The following ADGRB3 variants were observed in gnomAD, a reference collection of about 807,000 sequenced individuals.
ADGRB3 encodes brain-specific angiogenesis inhibitor 3.
Under a neutral mutation model 193.4 loss-of-function variants are expected in ADGRB3, and 37 were observed. That is an observed-to-expected ratio of 0.19 (90% CI 0.15 to 0.25). ADGRB3 has a LOEUF of 0.25. Ranked by LOEUF, ADGRB3 falls within the 10% of genes least tolerant of loss-of-function variation. ADGRB3 has a pLI of 1.00. For synonymous variants in ADGRB3, 690 were observed against 644.2 expected, an observed-to-expected ratio of 1.07 and a Z score of -1.08; for missense variants, 1,637 against 1,852.9, an observed-to-expected ratio of 0.88 and a Z score of 2.14.
chr6:68,966,688 T>A (rs553987313), intron 8 of ADGRB3, among the ~76,000 whole-genome samples: 36 of 152,298 alleles, frequency 2.4e-4, no homozygotes, highest in African/African-American at 8.2e-4. Flanking sequence ...AGAGTGGGCA[T>A]CCTGTGTACT....
chr6:69,141,227 C>T (rs942401404), intron 17 of ADGRB3, among the ~76,000 whole-genome samples: 5 of 151,858 alleles, frequency 3.3e-5, no homozygotes, highest in Non-Finnish European at 7.4e-5. Context: ...GGGTTCTCGG[C>T]ATTCTCCTGC....
intron 17 of ADGRB3, among the ~76,000 whole-genome samples, chr6:69,153,880 C>T (rs545983489): frequency 2.6e-5 from 4 of 152,108 alleles, no homozygotes; most frequent in African/African-American, 9.6e-5. Flanking sequence ...GTAGTCCCAG[C>T]TACTCGGGAG....
chr6:69,005,849 A>T (rs1050518354), intron 11 of ADGRB3, among the ~76,000 whole-genome samples: 2 of 151,610 alleles, frequency 1.3e-5, no homozygotes, highest in Non-Finnish European at 2.9e-5. Context: ...CAGATTTTTG[A>T]CTCTAGATCA....
At chr6:69,369,683 G>GC (rs1352049510) in intron 29 of ADGRB3, among the ~76,000 whole-genome samples, 1 of 140,294 alleles carries the variant, frequency 7.1e-6, no homozygotes, top group Non-Finnish European at 1.5e-5. Flanking sequence ...GGGTGACAGA[G>GC]CAAGACCATT....
chr6:69,276,446 T>TA (rs1433670915), intron 20 of ADGRB3, among the ~76,000 whole-genome samples: 1 of 152,144 alleles, frequency 6.6e-6, no homozygotes, highest in African/African-American at 2.4e-5. Context: ...TGAATCAATC[T>TA]AAAATTAAAA....
At chr6:68,689,193 T>C (rs1765030007) in intron 3 of ADGRB3, among the ~76,000 whole-genome samples, 2 of 152,090 alleles carry the variant, frequency 1.3e-5, no homozygotes, top group African/African-American at 2.4e-5. Flanking sequence ...GAGAAAACTA[T>C]GGTATCTGAG....
At chr6:68,733,854 T>C (rs891085071) in intron 3 of ADGRB3, among the ~76,000 whole-genome samples, 4 of 150,998 alleles carry the variant, frequency 2.6e-5, no homozygotes, top group Non-Finnish European at 5.9e-5. Context: ...ATGACAAGAA[T>C]GTAATGTTGG....
chr6:69,335,446 A>G (rs1768825347), intron 24 of ADGRB3, among the ~76,000 whole-genome samples: 2 of 152,144 alleles, frequency 1.3e-5, no homozygotes, highest in African/African-American at 4.8e-5. Flanking sequence ...ATAAAAGCAG[A>G]ATGTTGGCTA....
intron 17 of ADGRB3, among the ~76,000 whole-genome samples, chr6:69,185,199 C>T (rs1038832974): frequency 2.0e-5 from 3 of 152,050 alleles, no homozygotes; most frequent in African/African-American, 7.2e-5. Context: ...AAAACCTATA[C>T]TAGTACTGTA....
chr6:68,952,013 A>G (rs1182069123), intron 6 of ADGRB3, among the ~76,000 whole-genome samples: 1 of 152,172 alleles, frequency 6.6e-6, no homozygotes, highest in Non-Finnish European at 1.5e-5. Flanking sequence ...AGAAATAGAG[A>G]TATATAATAT....
At position 68,655,545 on chromosome 6, in the gene ADGRB3, C is replaced by A. The variant is rs376460602; in HGVS notation, c.757+16113C>A. Among the ~76,000 whole-genome samples the A allele has an allele frequency of 2.6e-5, 4 of 151,730 alleles. No individual in the cohort carries two copies. The East Asian group carries it at 5.8e-4, about 22-fold the overall frequency. ...AAAAGTAATCAATTTCTTTAATGGACCTCAGAGAAATTAAAATGCCTCCTG... is the reference window on the plus strand; with the variant it reads ...AAAAGTAATCAATTTCTTTAATGGAACTCAGAGAAATTAAAATGCCTCCTG... On this transcript the variant is annotated intron_variant, in intron 3 of 31. Coordinates refer to ENST00000370598, the MANE Select transcript of ADGRB3 (RefSeq NM_001704.3).
At chr6:69,278,384 C>G (rs1767347988) in intron 20 of ADGRB3, among the ~76,000 whole-genome samples, 1 of 152,180 alleles carries the variant, frequency 6.6e-6, no homozygotes. Flanking sequence ...GCCCTGATAA[C>G]TCCTTATGAT....
chr6:69,378,244 C>A (rs1263810734), intron 30 of ADGRB3, among the ~76,000 whole-genome samples: 1 of 152,038 alleles, frequency 6.6e-6, no homozygotes, highest in Non-Finnish European at 1.5e-5. Context: ...CTTATGGGCT[C>A]ACTACAGAGG....
intron 3 of ADGRB3, among the ~76,000 whole-genome samples, chr6:68,888,856 C>T (rs1254436784): frequency 6.6e-6 from 1 of 152,138 alleles, no homozygotes; most frequent in Non-Finnish European, 1.5e-5. Flanking sequence ...CAGGAATGTG[C>T]TTGGTCCTCA....
intron 5 of ADGRB3, among the ~76,000 whole-genome samples, chr6:68,940,568 T>TTTTTTTTG (rs59628221): frequency 9.5e-5 from 1 of 10,578 alleles, no homozygotes; most frequent in East Asian, 5.7e-3. Flanking sequence ...TTTTTTTTTT[T>TTTTTTTTG]GCTAAATGTA....
intron 5 of ADGRB3, among the ~76,000 whole-genome samples, chr6:68,941,246 A>G (rs986722668): frequency 2.0e-5 from 3 of 152,186 alleles, no homozygotes; most frequent in Admixed American, 6.5e-5. Context: ...GGTCTTATGA[A>G]TAGCATCTAT....
chr6:68,930,478 G>T, intron 3 of ADGRB3, 81 bp from the exon 4 acceptor site: 1 of 890,762 alleles, frequency 1.1e-6, no homozygotes, highest in South Asian at 1.8e-5. Context: ...GTATGTATAG[G>T]AACATATTGC....
chr6:68,771,409 C>T (rs199561416), intron 3 of ADGRB3, among the ~76,000 whole-genome samples: 3 of 122,650 alleles, frequency 2.4e-5, no homozygotes, highest in African/African-American at 5.8e-5. Context: ...CACACACACA[C>T]ACATATATGT....
chr6:68,727,911 A>G (rs1765702402), intron 3 of ADGRB3, among the ~76,000 whole-genome samples: 1 of 151,538 alleles, frequency 6.6e-6, no homozygotes, highest in Admixed American at 6.6e-5. Context: ...GTCCAATTGA[A>G]CTCCTTCACC....
Sources: allele counts gnomAD v4.1 joint callset (sites outside exome capture counted in the v4.1 genomes callset), GRCh38; gene constraint gnomAD v4.1.1; transcripts MANE v1.5; gene names NCBI Gene and HGNC (gene_info 2026-07-23, HGNC 2026-07-21).